Variants in MARCHF1 observed in about 807,000 individuals in gnomAD.
The protein encoded by MARCHF1 is E3 ubiquitin-protein ligase MARCHF1.
Under a neutral mutation model 54.2 loss-of-function variants are expected in MARCHF1, and 40 were observed. The observed-to-expected ratio is 0.74, with a 90% CI of 0.57 to 0.96. The LOEUF is 0.96. Ranked by LOEUF, MARCHF1 falls within the 40% of genes least tolerant of loss-of-function variation. MARCHF1 has a pLI of 0.00. For missense variants in MARCHF1, 586 were observed against 656.5 expected, an observed-to-expected ratio of 0.89 and a Z score of 1.17; for synonymous variants, 236 against 236.3, an observed-to-expected ratio of 1.00 and a Z score of 0.01.
chr4:164,080,287 C>T (rs1347531803), intron 2 of MARCHF1, among the ~76,000 whole-genome samples: 1 of 152,162 alleles, frequency 6.6e-6, no homozygotes, highest in Non-Finnish European at 1.5e-5. Context: ...GCGAGACCAG[C>T]AGAAGCAGCA....
rs1408214221 is a variant in MARCHF1 at position 163,525,310 on chromosome 4, T to TA, written c.*3437dup. The TA allele has an allele frequency of 1.3e-5, 2 of 152,056 alleles. No individual in the cohort carries two copies. Among genetic ancestry groups the TA allele is most frequent in the Non-Finnish European group, 2.9e-5 (2 of 67,986 alleles). 9.4% of individuals were successfully genotyped at this position (152,056 alleles called of 1,614,324 possible). On this transcript the variant is annotated 3_prime_UTR_variant, in exon 10 of 10. Coordinates refer to ENST00000514618, the MANE Select transcript of MARCHF1 (RefSeq NM_001394959.1). ...CCCAAGGACCTTTTGTAAAACAAGA[T>TA]AAAAAACCATGAGGTCGTCTGTCTG... is the stretch of plus-strand genomic sequence containing the variant.
intron 3 of MARCHF1, among the ~76,000 whole-genome samples, chr4:163,889,587 T>C (rs1750609873): frequency 6.6e-6 from 1 of 152,078 alleles, no homozygotes; most frequent in African/African-American, 2.4e-5. Flanking sequence ...TAGATGAGAC[T>C]GAGAAAAAAA....
At chr4:163,695,801 G>T (rs1462221341) in intron 5 of MARCHF1, among the ~76,000 whole-genome samples, 1 of 152,088 alleles carries the variant, frequency 6.6e-6, no homozygotes, top group Middle Eastern at 3.2e-3. Flanking sequence ...ACTGTTGCTA[G>T]TTAAATGTAA....
chr4:163,787,728 T>G (rs1031892784), intron 4 of MARCHF1, among the ~76,000 whole-genome samples: 1 of 151,966 alleles, frequency 6.6e-6, no homozygotes, highest in Non-Finnish European at 1.5e-5. Flanking sequence ...CTTGCAGGTA[T>G]ACATCCAAAA....
intron 1 of MARCHF1, among the ~76,000 whole-genome samples, chr4:164,208,962 G>GTC (rs149750429): frequency 4.5e-4 from 67 of 149,414 alleles, no homozygotes; most frequent in South Asian, 1.3e-3. Context: ...CTGTCTGTCT[G>GTC]TCTCTCTCTC....
chr4:163,587,827 C>T lies in MARCHF1; in HGVS notation c.1011-1898G>A, dbSNP rs202025469. On this transcript the variant is annotated intron_variant, in intron 7 of 9. Transcript: ENST00000514618. Reference sequence around the variant, plus strand: ...TAACATTTAAACTTTTTAAAAAAATCTACATAATTGCTTTTTTTGAGCTGA... The same window carrying T: ...TAACATTTAAACTTTTTAAAAAAATTTACATAATTGCTTTTTTTGAGCTGA... 1.5e-3 allele frequency among the ~76,000 whole-genome samples: 218 copies of T among 149,160 alleles called. 2 individuals carry two copies. The East Asian group carries it at 0.029, about 20-fold the overall frequency.
intron 1 of MARCHF1, among the ~76,000 whole-genome samples, chr4:164,327,878 C>G (rs937346486): frequency 6.6e-6 from 1 of 152,138 alleles, no homozygotes; most frequent in African/African-American, 2.4e-5. Context: ...GAAACAAGAA[C>G]AGATTGGCAG....
At chr4:164,177,099 C>A (rs142745188) in intron 1 of MARCHF1, among the ~76,000 whole-genome samples, 1 of 149,984 alleles carries the variant, frequency 6.7e-6, no homozygotes, top group East Asian at 1.9e-4. Flanking sequence ...TATATTCCTT[C>A]ATATAGCCCT....
chr4:163,808,802 C>T (rs1247338941), intron 4 of MARCHF1, among the ~76,000 whole-genome samples: 4 of 152,144 alleles, frequency 2.6e-5, no homozygotes, highest in Non-Finnish European at 5.9e-5. Context: ...CTCCTGAGCT[C>T]AAGTGATCCA....
At chr4:164,343,349 A>G (rs1729981683) in intron 1 of MARCHF1, among the ~76,000 whole-genome samples, 1 of 152,204 alleles carries the variant, frequency 6.6e-6, no homozygotes, top group Non-Finnish European at 1.5e-5. Flanking sequence ...AACAAAAATA[A>G]AAATTGACAA....
At chr4:164,097,091 T>C (rs1358747812) in intron 2 of MARCHF1, among the ~76,000 whole-genome samples, 1 of 152,172 alleles carries the variant, frequency 6.6e-6, no homozygotes, top group Non-Finnish European at 1.5e-5. Flanking sequence ...AAAAAAATAA[T>C]GTAAGGCTTG....
At chr4:164,370,574 C>G (rs945587741) in intron 1 of MARCHF1, among the ~76,000 whole-genome samples, 4 of 152,086 alleles carry the variant, frequency 2.6e-5, no homozygotes, top group African/African-American at 9.7e-5. Context: ...AATAAGCAAC[C>G]AAGGAATATT....
At chr4:163,833,330 C>A (rs1326728724) in intron 4 of MARCHF1, among the ~76,000 whole-genome samples, 2 of 152,076 alleles carry the variant, frequency 1.3e-5, no homozygotes, top group Non-Finnish European at 2.9e-5. Flanking sequence ...GTCTAAAACA[C>A]CAAAAGCAAT....
intron 4 of MARCHF1, among the ~76,000 whole-genome samples, chr4:163,807,182 T>C (rs539732667): frequency 4.6e-5 from 7 of 152,196 alleles, no homozygotes; most frequent in Non-Finnish European, 8.8e-5. Context: ...AAGTCTCCAG[T>C]AGTAAAATGG....
chr4:164,099,355 T>C (rs958821365), intron 2 of MARCHF1, among the ~76,000 whole-genome samples: 3 of 152,226 alleles, frequency 2.0e-5, no homozygotes, highest in Non-Finnish European at 2.9e-5. Context: ...TTTAAGGCTA[T>C]GTGGAAAAAT....
intron 1 of MARCHF1, among the ~76,000 whole-genome samples, chr4:164,168,353 A>C (rs953545194): frequency 1.3e-5 from 2 of 152,052 alleles, no homozygotes; most frequent in African/African-American, 4.8e-5. Flanking sequence ...CCATTAATTA[A>C]AAACAGAGCT....
At chr4:163,850,448 A>T (rs543377097) in intron 4 of MARCHF1, among the ~76,000 whole-genome samples, 32 of 152,268 alleles carry the variant, frequency 2.1e-4, no homozygotes, top group African/African-American at 7.0e-4. Context: ...CCTTTTTGAC[A>T]TTTTAGCTTT....
intron 4 of MARCHF1, among the ~76,000 whole-genome samples, chr4:163,726,469 A>G (rs1320341088): frequency 6.6e-6 from 1 of 152,130 alleles, no homozygotes; most frequent in African/African-American, 2.4e-5. Context: ...GGTCCTTAAT[A>G]TTCCATTGTC....
intron 1 of MARCHF1, among the ~76,000 whole-genome samples, chr4:164,341,279 CA>C (rs34271550): frequency 0.11 from 16,788 of 146,390 alleles, 1,546 homozygotes; most frequent in East Asian, 0.3. Flanking sequence ...AAAGCAAAAA[CA>C]AAAAAAAAAA....
Sources: allele counts gnomAD v4.1 joint callset (sites outside exome capture counted in the v4.1 genomes callset), GRCh38; gene constraint gnomAD v4.1.1; transcripts MANE v1.5; gene names NCBI Gene and HGNC (gene_info 2026-07-23, HGNC 2026-07-21).